DOCK7: variants seen among roughly 807,000 people sequenced by gnomAD.
DOCK7 encodes the protein dedicator of cytokinesis protein 7.
DOCK7 carries 138 observed loss-of-function variants against 271.0 expected under a neutral mutation model. That is an observed-to-expected ratio of 0.51 (90% CI 0.44 to 0.59). The LOEUF is 0.59. DOCK7 is among the 20% of genes least tolerant of loss of function. DOCK7 has a pLI of 0.00. For synonymous variants in DOCK7, 823 were observed against 876.1 expected (o/e 0.94, Z 1.07); for missense variants, 2,066 against 2,592.4 (o/e 0.80, Z 4.41).
rs777364914 is a variant in DOCK7 at position 62,494,263 on chromosome 1, G to C, written c.5217+12C>G. The C allele has an allele frequency of 6.4e-7, 1 of 1,565,086 alleles. No homozygotes were observed. Among genetic ancestry groups the C allele is most frequent in the Admixed American group, 1.7e-5 (1 of 57,832 alleles). ...TATACCTTGATTTAATGTACATCTG[G>C]AAGATTCCTACCTGAAATGTTACAC... is the stretch of plus-strand genomic sequence containing the variant. On this transcript the variant is annotated intron_variant, in intron 40 of 49. Coordinates refer to ENST00000635253, the MANE Select transcript of DOCK7 (RefSeq NM_001367561.1).
intron 7 of DOCK7, among the ~76,000 whole-genome samples, chr1:62,639,718 C>T (rs61775945): frequency 0.056 from 8,467 of 151,744 alleles, 285 homozygotes; most frequent in Non-Finnish European, 0.084. Context: ...CGTGAGCCAC[C>T]GGGCCCGGCC....
intron 43 of DOCK7, chr1:62,484,180 A>G (rs1352089693): frequency 6.6e-6 from 1 of 152,110 alleles, no homozygotes; most frequent in Non-Finnish European, 1.5e-5. Context: ...GCTCACATTC[A>G]TGTCCATTCA....
chr1:62,475,171 C>G, intron 47 of DOCK7, 37 bp downstream of exon 47: 1 of 1,563,430 alleles, frequency 6.4e-7, no homozygotes, highest in African/African-American at 1.4e-5. Context: ...ATCGTATTTA[C>G]AGCTTAAATC....
At chr1:62,620,024 G>GTTTT in intron 12 of DOCK7, 31 bp from the exon 13 acceptor site, 1 of 1,572,338 alleles carries the variant, frequency 6.4e-7, no homozygotes, top group Non-Finnish European at 8.7e-7. Context: ...AAAAGTATTT[G>GTTTT]ATAAAACAAA....
At chr1:62,505,611 G>A in intron 36 of DOCK7, 71 bp downstream of exon 36, 2 of 1,478,532 alleles carry the variant, frequency 1.4e-6, no homozygotes, top group Non-Finnish European at 1.8e-6. Flanking sequence ...CAATGAATGT[G>A]TCAAATGATC....
At position 62,534,021 on chromosome 1, in the gene DOCK7, T is replaced by C. The variant is rs1283311313; in HGVS notation, c.3611+1472A>G. ...ACATCAAGCTTTTTTTTTTTTGAGA[T>C]GAAGTCTTGCTCTATCACCCAGGAT... On this transcript the variant is annotated intron_variant, in intron 29 of 49. Coordinates refer to ENST00000635253, the MANE Select transcript of DOCK7 (RefSeq NM_001367561.1). 2.0e-5 allele frequency among the ~76,000 whole-genome samples: 3 copies of C among 151,534 alleles called. No individual in the cohort carries two copies. The East Asian group carries it at 5.9e-4, about 30-fold the overall frequency.
chr1:62,684,856 C>G (rs1661555688), intron 1 of DOCK7, among the ~76,000 whole-genome samples: 1 of 152,102 alleles, frequency 6.6e-6, no homozygotes, highest in Non-Finnish European at 1.5e-5. Flanking sequence ...TCAGAAATCA[C>G]CAAATCACAG....
intron 23 of DOCK7, among the ~76,000 whole-genome samples, chr1:62,544,727 G>C (rs1645645377): frequency 6.6e-6 from 1 of 152,154 alleles, no homozygotes; most frequent in East Asian, 1.9e-4. Context: ...GGTGTGTAAG[G>C]AAGAAAGAAG....
chr1:62,686,870 G>C (rs1169269313), intron 1 of DOCK7, among the ~76,000 whole-genome samples: 2 of 141,024 alleles, frequency 1.4e-5, no homozygotes, highest in South Asian at 4.9e-4. Context: ...GTGCTAGAAC[G>C]CTGGAAAGAA....
intron 11 of DOCK7, among the ~76,000 whole-genome samples, chr1:62,626,823 CA>C (rs1310490045): frequency 2.0e-5 from 3 of 152,060 alleles, no homozygotes; most frequent in Non-Finnish European, 4.4e-5. Context: ...TCCAAACTTT[CA>C]AAGAATACCA....
At position 62,556,400 on chromosome 1, in the gene DOCK7, T is replaced by G. The variant is rs1172760209; in HGVS notation, c.2432-411A>C. Among the ~76,000 whole-genome samples, 6 of 151,978 alleles carry G rather than the reference T, an allele frequency of 3.9e-5. No individual in the cohort carries two copies. The South Asian group carries it at 8.3e-4, about 21-fold the overall frequency. The stretch of plus-strand genomic sequence containing the variant: ...AGCATATAAGGGCATATATTACTTT[T>G]GTTTAAAAAAATTAAAAATATCAAT... On this transcript the variant is annotated intron_variant, in intron 20 of 49. Coordinates refer to ENST00000635253, the MANE Select transcript of DOCK7 (RefSeq NM_001367561.1).
intron 22 of DOCK7, among the ~76,000 whole-genome samples, chr1:62,549,507 T>C (rs1390699450): frequency 1.3e-5 from 2 of 152,204 alleles, no homozygotes; most frequent in African/African-American, 2.4e-5. Context: ...TTTTTATTTT[T>C]ATTTAATTTT....
intron 11 of DOCK7, among the ~76,000 whole-genome samples, chr1:62,629,997 T>C (rs1479699987): frequency 6.6e-6 from 1 of 152,186 alleles, no homozygotes; most frequent in Non-Finnish European, 1.5e-5. Context: ...CCGAAGCCTG[T>C]TCCAGCAGCG....
chr1:62,604,835 A>G, intron 14 of DOCK7: 2 of 1,608,542 alleles, frequency 1.2e-6, no homozygotes. Context: ...CAAATTTAAA[A>G]GGCAATAATT....
At chr1:62,529,540 T>A in intron 29 of DOCK7, 94 bp from the exon 30 acceptor site, 2 of 964,392 alleles carry the variant, frequency 2.1e-6, no homozygotes, top group South Asian at 3.2e-5. Flanking sequence ...TGGTATTGAA[T>A]AAATTTTGTT....
chr1:62,643,725 GTTAT>G (rs1656311110), intron 7 of DOCK7, among the ~76,000 whole-genome samples: 2 of 151,966 alleles, frequency 1.3e-5, no homozygotes, highest in Non-Finnish European at 2.9e-5. Context: ...TCTTCCCTAA[GTTAT>G]TTCCATTCTA....
intron 37 of DOCK7, among the ~76,000 whole-genome samples, chr1:62,498,639 GA>G (rs58336065): frequency 6.9e-5 from 10 of 145,624 alleles, no homozygotes; most frequent in African/African-American, 2.0e-4. Flanking sequence ...CAAGCTACTT[GA>G]AAAAAAAAAA....
At chr1:62,581,567 CTAAAAA>C (rs1046595455) in intron 16 of DOCK7, among the ~76,000 whole-genome samples, 3 of 151,944 alleles carry the variant, frequency 2.0e-5, no homozygotes, top group Non-Finnish European at 4.4e-5. Context: ...GAAGGTATTA[CTAAAAA>C]TAGAGTTGGA....
intron 6 of DOCK7, 69 bp from the exon 7 acceptor site, chr1:62,647,845 C>A: frequency 8.7e-7 from 1 of 1,143,008 alleles, no homozygotes; most frequent in Non-Finnish European, 1.3e-6. Context: ...TTTTTCAGAA[C>A]TTACTTTACT....
Sources: gnomAD v4.1 joint callset for allele counts (sites outside exome capture counted in the v4.1 genomes callset) on GRCh38, gnomAD v4.1.1 for gene constraint, MANE v1.5 for transcripts, NCBI Gene and HGNC (gene_info 2026-07-23, HGNC 2026-07-21) for gene names.